The following PCNX1 variants were observed in gnomAD, a reference collection of about 807,000 sequenced individuals.
The protein encoded by PCNX1 is pecanex 1, also known as pecanex-like protein 1.
Under a neutral mutation model 242.2 loss-of-function variants are expected in PCNX1, and 78 were observed. The observed-to-expected ratio is 0.32, with a 90% CI of 0.27 to 0.39. The LOEUF is 0.39. Among genes scored for constraint, PCNX1 ranks in the 10% least tolerant of loss-of-function variants. The probability of loss-of-function intolerance (pLI) is 1.00; values close to 1 mark genes in which losing one functional copy is unlikely to be tolerated. For synonymous variants in PCNX1, 1,024 were observed against 1,032.9 expected, an observed-to-expected ratio of 0.99 and a Z score of 0.17; for missense variants, 2,581 against 2,856.5, an observed-to-expected ratio of 0.90 and a Z score of 2.20.
intron 26 of PCNX1, among the ~76,000 whole-genome samples, chr14:71,071,536 A>T (rs1205210706): frequency 2.0e-5 from 3 of 152,012 alleles, no homozygotes. Context: ...TGGTTGTTCA[A>T]AAGTGTATAG....
chr14:70,963,720 G>A (rs149972096), intron 3 of PCNX1, among the ~76,000 whole-genome samples: 1 of 152,230 alleles, frequency 6.6e-6, no homozygotes, highest in African/African-American at 2.4e-5. Flanking sequence ...TTTCTGTATC[G>A]TTACTACATA....
chr14:70,994,397 A>ATATATGTG (rs1491564786), intron 7 of PCNX1, among the ~76,000 whole-genome samples: 2 of 11,930 alleles, frequency 1.7e-4, no homozygotes, highest in African/African-American at 6.0e-4. Flanking sequence ...CAGGCTTAAG[A>ATATATGTG]TATATATATA....
intron 1 of PCNX1, among the ~76,000 whole-genome samples, chr14:70,924,831 C>T (rs570167901): frequency 6.6e-6 from 1 of 151,830 alleles, no homozygotes; most frequent in Non-Finnish European, 1.5e-5. Flanking sequence ...TCAAGCAATC[C>T]ACCCACATCA....
At chr14:70,925,292 G>A (rs958314485) in intron 1 of PCNX1, among the ~76,000 whole-genome samples, 7 of 152,082 alleles carry the variant, frequency 4.6e-5, no homozygotes, top group African/African-American at 1.2e-4. Context: ...CCCGGCTTGC[G>A]TTTTTACCTT....
chr14:71,032,899 A>G (rs1321654123), intron 16 of PCNX1, among the ~76,000 whole-genome samples: 1 of 152,204 alleles, frequency 6.6e-6, no homozygotes, highest in African/African-American at 2.4e-5. Context: ...TCATTCATTC[A>G]AAAAACAGTT....
At chr14:71,049,592 C>T (rs2060964365) in intron 22 of PCNX1, among the ~76,000 whole-genome samples, 1 of 152,042 alleles carries the variant, frequency 6.6e-6, no homozygotes, top group Non-Finnish European at 1.5e-5. Flanking sequence ...GCTTTTAAGT[C>T]ATTATAATGG....
At chr14:70,910,623 C>G (rs770465143) in intron 1 of PCNX1, among the ~76,000 whole-genome samples, 25 of 152,144 alleles carry the variant, frequency 1.6e-4, no homozygotes, top group Non-Finnish European at 3.2e-4. Context: ...ATAGCAACTT[C>G]CCCAGCTCTC....
chr14:71,099,632 CTTTGTTAGTTT>C (rs1446416764), intron 30 of PCNX1, among the ~76,000 whole-genome samples: 4 of 152,124 alleles, frequency 2.6e-5, no homozygotes, highest in Non-Finnish European at 5.9e-5. Flanking sequence ...TCCAGAGTTT[CTTTGTTAGTTT>C]TTTGCCTCAG....
intron 20 of PCNX1, among the ~76,000 whole-genome samples, chr14:71,045,603 C>G (rs2060838107): frequency 6.6e-6 from 1 of 152,114 alleles, no homozygotes; most frequent in Non-Finnish European, 1.5e-5. Flanking sequence ...ACTCTTCCCC[C>G]TAATTAGTTT....
chr14:71,031,809 G>C, intron 16 of PCNX1: 1 of 1,484,722 alleles, frequency 6.7e-7, no homozygotes, highest in South Asian at 1.1e-5. Context: ...TGCATAGCTT[G>C]GCAGCGAGGA....
intron 20 of PCNX1, among the ~76,000 whole-genome samples, chr14:71,046,195 T>G (rs2060855852): frequency 6.6e-6 from 1 of 152,072 alleles, no homozygotes; most frequent in African/African-American, 2.4e-5. Context: ...ATTTATACCA[T>G]CAGGAAAATA....
chr14:71,045,392 G>A (rs576746104), intron 20 of PCNX1, 109 bp downstream of exon 20: 1 of 802,308 alleles, frequency 1.2e-6, no homozygotes, highest in Admixed American at 3.0e-5. Context: ...TTTGGCTTGT[G>A]TTTCTTTTGC....
At chr14:71,043,070 A>G (rs188486604) in intron 19 of PCNX1, among the ~76,000 whole-genome samples, 108 of 152,166 alleles carry the variant, frequency 7.1e-4, no homozygotes, top group Non-Finnish European at 4.6e-4. Flanking sequence ...TTTTCTTGGT[A>G]TAGTATTTTT....
chr14:70,984,258 C>T (rs538291166), intron 6 of PCNX1, among the ~76,000 whole-genome samples: 1 of 151,606 alleles, frequency 6.6e-6, no homozygotes, highest in East Asian at 1.9e-4. Context: ...TGAGCAATTT[C>T]CTCTGTCTAA....
At chr14:71,069,808 C>T (rs1185075895) in intron 26 of PCNX1, among the ~76,000 whole-genome samples, 1 of 152,126 alleles carries the variant, frequency 6.6e-6, no homozygotes, top group Non-Finnish European at 1.5e-5. Flanking sequence ...GCTAACTGGT[C>T]AGGTTGGTGA....
intron 2 of PCNX1, among the ~76,000 whole-genome samples, chr14:70,958,132 A>G (rs992181745): frequency 6.6e-6 from 1 of 152,210 alleles, no homozygotes. Context: ...AAACATGAAC[A>G]TGTTCTACAT....
At chr14:71,076,784 G>T (rs556822246) in intron 28 of PCNX1, among the ~76,000 whole-genome samples, 1 of 152,164 alleles carries the variant, frequency 6.6e-6, no homozygotes, top group Non-Finnish European at 1.5e-5. Flanking sequence ...AAATGTCTTT[G>T]TCCCAAATAG....
chr14:71,005,782 C>T (rs1024936103), intron 8 of PCNX1, among the ~76,000 whole-genome samples: 3 of 152,172 alleles, frequency 2.0e-5, no homozygotes, highest in African/African-American at 7.2e-5. Flanking sequence ...TGTTGCTCAT[C>T]ACTTATTCAT....
intron 1 of PCNX1, among the ~76,000 whole-genome samples, chr14:70,945,282 A>AC (rs2057412425): frequency 6.6e-6 from 1 of 152,226 alleles, no homozygotes; most frequent in Non-Finnish European, 1.5e-5. Context: ...ACAATATCAT[A>AC]CAGGTACTCA....
Sources: gnomAD v4.1 joint callset for allele counts (sites outside exome capture counted in the v4.1 genomes callset) on GRCh38, gnomAD v4.1.1 for gene constraint, MANE v1.5 for transcripts, NCBI Gene and HGNC (gene_info 2026-07-23, HGNC 2026-07-21) for gene names.